The following EDA variants were observed in gnomAD, a reference collection of about 807,000 sequenced individuals.
EDA encodes ectodysplasin A, also known as ectodysplasin-A.
A neutral mutation model predicts 23.6 loss-of-function variants in EDA; 2 were observed. That is an observed-to-expected ratio of 0.08 (90% CI 0.03 to 0.27). The LOEUF (loss-of-function observed/expected upper bound fraction) is 0.27. Among genes scored for constraint, EDA ranks in the 10% least tolerant of loss-of-function variants. The probability of loss-of-function intolerance (pLI) is 1.00; values close to 1 mark genes in which losing one functional copy is unlikely to be tolerated. For synonymous variants in EDA, 131 were observed against 132.0 expected, an observed-to-expected ratio of 0.99 and a Z score of 0.05; for missense variants, 229 against 324.2, an observed-to-expected ratio of 0.71 and a Z score of 2.26.
At chrX:69,662,106 C>G (rs1324403304) in intron 1 of EDA, among the ~76,000 whole-genome samples, 1 of 111,469 alleles carries the variant, frequency 9.0e-6, no homozygotes, top group Admixed American at 9.6e-5. Context: ...TATCCTCTGA[C>G]CTACATACAT....
At chrX:69,731,242 C>CT (rs1228476991) in intron 1 of EDA, among the ~76,000 whole-genome samples, 1 of 110,790 alleles carries the variant, frequency 9.0e-6, no homozygotes, top group Non-Finnish European at 1.9e-5. Context: ...GTCTTCTTAC[C>CT]TTTTTTTCTT....
chrX:69,917,097 G>A (rs1484897338), intron 1 of EDA, among the ~76,000 whole-genome samples: 3 of 110,321 alleles, frequency 2.7e-5, no homozygotes, highest in South Asian at 3.9e-4. Context: ...CACCACACCT[G>A]GCTAATTTTT....
At chrX:69,917,646 G>T (rs950757831) in intron 1 of EDA, among the ~76,000 whole-genome samples, 7 of 111,640 alleles carry the variant, frequency 6.3e-5, no homozygotes, top group Admixed American at 9.5e-5. Flanking sequence ...GAAGAAAATT[G>T]ACTAAAATCA....
At chrX:69,776,794 T>A (rs905287489) in intron 1 of EDA, among the ~76,000 whole-genome samples, 1 of 111,353 alleles carries the variant, frequency 9.0e-6, no homozygotes, top group African/African-American at 3.3e-5. Flanking sequence ...AGTAGGTGGT[T>A]GGTCTTCAAC....
chrX:69,903,987 A>AT (rs976843711), intron 1 of EDA, among the ~76,000 whole-genome samples: 7 of 108,253 alleles, frequency 6.5e-5, no homozygotes, highest in Admixed American at 5.0e-4. Context: ...ATTTTTTTGT[A>AT]TTTTTTTTAA....
intron 1 of EDA, among the ~76,000 whole-genome samples, chrX:69,674,144 T>TATCTATCA (rs1934002296): frequency 9.5e-6 from 1 of 105,627 alleles, no homozygotes; most frequent in African/African-American, 3.5e-5. Context: ...TCTATCTATC[T>TATCTATCA]ATCATCATAA....
At chrX:69,743,606 T>A (rs2013527042) in intron 1 of EDA, among the ~76,000 whole-genome samples, 2 of 111,726 alleles carry the variant, frequency 1.8e-5, no homozygotes, top group African/African-American at 6.5e-5. Context: ...CTCTTCTGTA[T>A]CTAATGTCCT....
chrX:69,976,725 G>C (rs2019322780), intron 2 of EDA, among the ~76,000 whole-genome samples: 1 of 107,806 alleles, frequency 9.3e-6, no homozygotes, highest in Non-Finnish European at 1.9e-5. Context: ...GTTTCTCTCT[G>C]TTCTTAGGAA....
At chrX:70,031,451 G>A (rs753443912) in intron 6 of EDA, among the ~76,000 whole-genome samples, 1 of 111,747 alleles carries the variant, frequency 8.9e-6, no homozygotes, top group South Asian at 3.8e-4. Context: ...AGTGCACAAA[G>A]CCTAAAATGC....
At chrX:69,872,417 G>A (rs370178988) in intron 1 of EDA, among the ~76,000 whole-genome samples, 1 of 111,999 alleles carries the variant, frequency 8.9e-6, no homozygotes, top group Non-Finnish European at 1.9e-5. Context: ...AACTTTGAAT[G>A]TGAATGGCCT....
intron 1 of EDA, among the ~76,000 whole-genome samples, chrX:69,801,782 C>G (rs981221619): frequency 1.8e-5 from 2 of 111,538 alleles, no homozygotes; most frequent in Non-Finnish European, 3.8e-5. Context: ...CTGGAAAATA[C>G]AAGTTAATAC....
chrX:69,845,277 C>T (rs577440651), intron 1 of EDA, among the ~76,000 whole-genome samples: 6 of 112,469 alleles, frequency 5.3e-5, no homozygotes, highest in African/African-American at 1.6e-4. Context: ...GTCTTTATAA[C>T]ACAGAGATCT....
At chrX:69,671,857 G>A (rs1212257689) in intron 1 of EDA, among the ~76,000 whole-genome samples, 1 of 112,094 alleles carries the variant, frequency 8.9e-6, no homozygotes, top group East Asian at 2.8e-4. Context: ...TCTTGCTAAT[G>A]TCATTCTTTT....
chrX:69,789,781 C>T (rs1036054245), intron 1 of EDA, among the ~76,000 whole-genome samples: 2 of 111,959 alleles, frequency 1.8e-5, no homozygotes, highest in African/African-American at 6.5e-5. Flanking sequence ...TATACAGTCT[C>T]TTATCATGGC....
chrX:69,738,036 T>A (rs1315085986), intron 1 of EDA, among the ~76,000 whole-genome samples: 1 of 111,784 alleles, frequency 8.9e-6, no homozygotes, highest in Non-Finnish European at 1.9e-5. Context: ...ATGGTATGCC[T>A]TAGTATGGTT....
At chrX:70,022,629 C>T (rs988554422) in intron 2 of EDA, among the ~76,000 whole-genome samples, 1 of 111,427 alleles carries the variant, frequency 9.0e-6, no homozygotes, top group Non-Finnish European at 1.9e-5. Context: ...AGCCACCACC[C>T]CCGGCCGACA....
At chrX:69,631,646 T>G (rs1932597464) in intron 1 of EDA, among the ~76,000 whole-genome samples, 1 of 109,648 alleles carries the variant, frequency 9.1e-6, no homozygotes, top group African/African-American at 3.3e-5. Context: ...CTTTTTTTTT[T>G]TGTGGTAGAA....
intron 1 of EDA, among the ~76,000 whole-genome samples, chrX:69,940,939 A>T (rs1413200039): frequency 9.0e-6 from 1 of 111,472 alleles, no homozygotes; most frequent in African/African-American, 3.3e-5. Context: ...TACTGCTTTC[A>T]CTGTATCCCA....
rs1182675900 is a variant in EDA, at chrX:70,039,344, G to C, written c.*3735G>C. 8.9e-6 allele frequency: 1 copy of C among 112,157 alleles called. No homozygotes were observed. Among genetic ancestry groups the C allele is most frequent in the Non-Finnish European group, 1.9e-5 (1 of 53,158 alleles). The allele number at this position is 112,157 out of a possible 1,213,427, so 9.2% of individuals were successfully genotyped here. A position where few individuals can be genotyped will look rare whatever the true frequency, so the allele number is the denominator to read the frequency against. The stretch of plus-strand genomic sequence containing the variant: ...GGAGCAGGCCCAATGCTGCTTTTGG[G>C]GGTCAGCATCCAGTGTGAGATACTG... On this transcript the variant is annotated 3_prime_UTR_variant, in exon 8 of 8. Coordinates refer to ENST00000374552, the MANE Select transcript of EDA (RefSeq NM_001399.5).
Sources: allele counts gnomAD v4.1 joint callset (sites outside exome capture counted in the v4.1 genomes callset), GRCh38; gene constraint gnomAD v4.1.1; transcripts MANE v1.5; gene names NCBI Gene and HGNC (gene_info 2026-07-23, HGNC 2026-07-21).